The following CDH19 variants were observed in gnomAD, a reference collection of about 807,000 sequenced individuals.
CDH19 encodes cadherin 19, also known as cadherin-19.
Under a neutral mutation model 64.2 loss-of-function variants are expected in CDH19, and 67 were observed. The observed-to-expected ratio is 1.04, with a 90% CI of 0.86 to 1.28. The LOEUF is 1.28. CDH19 is among the 50% of genes most tolerant of loss of function. The pLI, the probability that CDH19 is intolerant of heterozygous loss-of-function variation, is 0.00. For synonymous variants in CDH19, 346 were observed against 319.3 expected (o/e 1.08, Z -0.89); for missense variants, 1,030 against 929.0 (o/e 1.11, Z -1.41).
At chr18:66,569,483 T>C (rs1180811469) in intron 2 of CDH19, among the ~76,000 whole-genome samples, 2 of 151,630 alleles carry the variant, frequency 1.3e-5, no homozygotes, top group African/African-American at 2.4e-5. Context: ...CTTTAGCCCT[T>C]GGGTTTTAGC....
intron 8 of CDH19, among the ~76,000 whole-genome samples, chr18:66,533,625 A>ATAAT (rs1568182939): frequency 3.3e-5 from 5 of 151,240 alleles, no homozygotes; most frequent in Non-Finnish European, 3.0e-5. Context: ...TCACCTTAAA[A>ATAAT]TAGTAGTTTT....
intron 1 of CDH19, among the ~76,000 whole-genome samples, chr18:66,582,109 A>G (rs1442384388): frequency 6.6e-6 from 1 of 152,152 alleles, no homozygotes; most frequent in Non-Finnish European, 1.5e-5. Context: ...CACTTTGTTT[A>G]CATTGAATAA....
At chr18:66,509,426 A>C (rs1985362564) in intron 10 of CDH19, among the ~76,000 whole-genome samples, 180 bp from the exon 11 acceptor site, 1 of 151,884 alleles carries the variant, frequency 6.6e-6, no homozygotes, top group Non-Finnish European at 1.5e-5. Flanking sequence ...TAGTGTTTTG[A>C]CATTACCTAA....
intron 3 of CDH19, among the ~76,000 whole-genome samples, chr18:66,559,396 AAAAG>A (rs1987637789): frequency 6.6e-6 from 1 of 151,924 alleles, no homozygotes; most frequent in Non-Finnish European, 1.5e-5. Flanking sequence ...TGCAATAATA[AAAAG>A]AAAAAAATGT....
chr18:66,543,935 T>G (rs2144486444), intron 7 of CDH19, 36 bp downstream of exon 7: 1 of 1,455,358 alleles, frequency 6.9e-7, no homozygotes, highest in Admixed American at 2.2e-5. Context: ...TTATATTTAC[T>G]TATTTATTAA....
intron 11 of CDH19, among the ~76,000 whole-genome samples, 180 bp from the exon 12 acceptor site, chr18:66,505,482 A>G (rs887401379): frequency 7.3e-5 from 11 of 150,088 alleles, no homozygotes; most frequent in African/African-American, 2.4e-4. Flanking sequence ...AGAATGTATC[A>G]CGATTTTTCT....
At chr18:66,547,279 A>G (rs1371693462) in intron 5 of CDH19, among the ~76,000 whole-genome samples, 1 of 152,082 alleles carries the variant, frequency 6.6e-6, no homozygotes, top group African/African-American at 2.4e-5. Context: ...AAAAGTAGAA[A>G]AAGTAGCTTC....
At chr18:66,569,201 A>G (rs1988021913) in intron 2 of CDH19, among the ~76,000 whole-genome samples, 1 of 151,662 alleles carries the variant, frequency 6.6e-6, no homozygotes, top group African/African-American at 2.4e-5. Context: ...GATAATCTTG[A>G]CTGTTCATTA....
At position 66,501,670 on chromosome 18, in the gene CDH19, C is replaced by G. The variant is rs565166067; in HGVS notation, c.*3142G>C. On this transcript the variant is annotated 3_prime_UTR_variant, in exon 12 of 12. Transcript: ENST00000262150. Reference sequence around the variant, plus strand: ...CATTAGCTGTTGTTATAATAATTCACTGTTATTTATTGAGCAGTTATATTT... The same window carrying G: ...CATTAGCTGTTGTTATAATAATTCAGTGTTATTTATTGAGCAGTTATATTT... 3 of 152,176 alleles carry G rather than the reference C, an allele frequency of 2.0e-5. No homozygotes were observed. The highest frequency in any genetic ancestry group is 7.2e-5 in the African/African-American group (3 of 41,548). 9.4% of individuals were successfully genotyped at this position (152,176 alleles called of 1,614,324 possible). A position where few individuals can be genotyped will look rare whatever the true frequency, so the allele number is the denominator to read the frequency against.
chr18:66,524,770 T>C (rs1986155987), intron 9 of CDH19, among the ~76,000 whole-genome samples: 1 of 152,028 alleles, frequency 6.6e-6, no homozygotes, highest in Non-Finnish European at 1.5e-5. Flanking sequence ...AAGCTTTTTA[T>C]TTCTTACCAA....
chr18:66,513,500 T>A (rs567740586), intron 9 of CDH19, among the ~76,000 whole-genome samples: 2 of 151,590 alleles, frequency 1.3e-5, no homozygotes, highest in South Asian at 4.1e-4. Context: ...ATGAATTTTA[T>A]TGAAGTTACC....
intron 9 of CDH19, among the ~76,000 whole-genome samples, chr18:66,524,058 CAA>C (rs752477298): frequency 7.9e-5 from 12 of 152,268 alleles, no homozygotes; most frequent in Admixed American, 3.3e-4. Context: ...TGTAAGCAAT[CAA>C]AGACTAACAT....
chr18:66,584,071 C>A lies in CDH19; in HGVS notation c.-112-11755G>T, dbSNP rs114450786. 5.5e-3 allele frequency among the ~76,000 whole-genome samples: 831 copies of A among 152,166 alleles called. 8 individuals are homozygous for A. Among genetic ancestry groups the A allele is most frequent in the African/African-American group, 0.019 (798 of 41,530 alleles). ...ATTAACAGACTAAACAGGAAAACTA[C>A]AGAATGAGAGAAAATATTTGCAATC... is the stretch of plus-strand genomic sequence containing the variant. On this transcript the variant is annotated intron_variant, in intron 1 of 11. Coordinates refer to ENST00000262150, the MANE Select transcript of CDH19 (RefSeq NM_021153.4).
intron 1 of CDH19, among the ~76,000 whole-genome samples, chr18:66,576,663 G>A (rs1988275816): frequency 6.6e-6 from 1 of 151,316 alleles, no homozygotes; most frequent in Non-Finnish European, 1.5e-5. Flanking sequence ...TGTATTACAA[G>A]AAGAAACACA....
intron 5 of CDH19, among the ~76,000 whole-genome samples, chr18:66,546,408 C>G (rs145612168): frequency 6.6e-6 from 1 of 152,024 alleles, no homozygotes; most frequent in African/African-American, 2.4e-5. Flanking sequence ...TTGCCATGAA[C>G]GTGAAAGCAG....
chr18:66,570,044 A>G lies in CDH19; in HGVS notation c.196-1334T>C, dbSNP rs138226276. On this transcript the variant is annotated intron_variant, in intron 2 of 11. Coordinates refer to ENST00000262150, the MANE Select transcript of CDH19 (RefSeq NM_021153.4). ...TGTCTTTCTGGTAATACTTCTTTTG[A>G]TAGTTCTTAATTATTCCTAAAAGAA... 5.3e-3 allele frequency among the ~76,000 whole-genome samples: 805 copies of G among 151,714 alleles called. 10 individuals carry two copies. The highest frequency in any genetic ancestry group is 0.031 in the Middle Eastern group (9 of 294).
intron 9 of CDH19, among the ~76,000 whole-genome samples, chr18:66,521,268 G>T (rs1234478903): frequency 1.3e-5 from 2 of 152,006 alleles, no homozygotes; most frequent in Admixed American, 6.6e-5. Flanking sequence ...CTCTTACCTG[G>T]TTAAAACATT....
In CDH19 at chr18:66,510,620, AAT is replaced by A. The variant is rs1008856421; in HGVS notation, c.1576+946_1576+947del. 1.5e-3 allele frequency among the ~76,000 whole-genome samples: 226 copies of A among 147,118 alleles called. 1 individual carries two copies. The highest frequency in any genetic ancestry group is 5.4e-3 in the African/African-American group (218 of 40,240). On this transcript the variant is annotated intron_variant, in intron 10 of 11. Coordinates refer to ENST00000262150, the MANE Select transcript of CDH19 (RefSeq NM_021153.4). ...TAATAATAATAATAATAATAATAAT[AAT>A]AATAATACATGTACCCCCTGAATCT... is the stretch of plus-strand genomic sequence containing the variant.
In CDH19 at chr18:66,504,927, G is replaced by A. The variant is rs1985109840; in HGVS notation, c.2204C>T (p.Ser735Phe). 1.9e-6 allele frequency: 3 copies of A among 1,613,438 alleles called. No individual in the cohort carries two copies. Among genetic ancestry groups the A allele is most frequent in the Middle Eastern group, 1.7e-4 (1 of 6,060 alleles). ...GTGSLAGSLS[S>F]LESAVSDQDE... ...CTGATCAGAGACTGCTGATTCTAAG[G>A]AGCTCAGGGATCCAGCTAATGACCC... The change falls in exon 12 of 12, where the codon TCC (serine) becomes TTC (phenylalanine). Residue 735 changes from serine to phenylalanine, a missense_variant. Physicochemically the swap from Ser to Phe is radical, Grantham distance 155. Transcript: ENST00000262150.
Sources: allele counts gnomAD v4.1 joint callset (sites outside exome capture counted in the v4.1 genomes callset), GRCh38; gene constraint gnomAD v4.1.1; transcripts MANE v1.5; gene names NCBI Gene and HGNC (gene_info 2026-07-23, HGNC 2026-07-21).